Variants in KLF8 observed in about 807,000 individuals in gnomAD.
KLF8 encodes Krueppel-like factor 8.
KLF8 carries 10 observed loss-of-function variants against 18.2 expected under a neutral mutation model. That is an observed-to-expected ratio of 0.55 (90% CI 0.34 to 0.93). The LOEUF (loss-of-function observed/expected upper bound fraction) is 0.93. Ranked by LOEUF, KLF8 falls within the 40% of genes least tolerant of loss-of-function variation. The pLI is 0.02. For synonymous variants in KLF8, 109 were observed against 97.3 expected, an observed-to-expected ratio of 1.12 and a Z score of -0.71; for missense variants, 264 against 277.9, an observed-to-expected ratio of 0.95 and a Z score of 0.36.
chrX:56,084,174 A>G, the KLF8 span, among the ~76,000 whole-genome samples: 10 of 111,365 alleles, frequency 9.0e-5, no homozygotes, highest in African/African-American at 2.9e-4. Flanking sequence ...TGAGCCTAGG[A>G]GTTTGAGTCA....
intron 3 of KLF8, 160 bp from the exon 4 acceptor site, chrX:56,269,218 T>C: frequency 9.5e-7 from 1 of 1,048,743 alleles, no homozygotes; most frequent in South Asian, 2.9e-5. Context: ...AATGTTATTC[T>C]CTTCCTTCCA....
chrX:55,964,160 C>G, the KLF8 span, among the ~76,000 whole-genome samples: 1 of 111,434 alleles, frequency 9.0e-6, no homozygotes, highest in Non-Finnish European at 1.9e-5. Context: ...ACACCCACAT[C>G]GAGAACTTAG....
At chrX:56,129,611 G>C in the KLF8 span, among the ~76,000 whole-genome samples, 1 of 111,604 alleles carries the variant, frequency 9.0e-6, no homozygotes, top group African/African-American at 3.3e-5. Context: ...AAGACCAAAG[G>C]GAAAAGGAAA....
At chrX:55,915,085 G>A in the KLF8 span, among the ~76,000 whole-genome samples, 1 of 110,673 alleles carries the variant, frequency 9.0e-6, no homozygotes, top group Non-Finnish European at 1.9e-5. Flanking sequence ...GGATGAGACT[G>A]GTACTTTGTG....
chrX:56,112,012 A>C, the KLF8 span, among the ~76,000 whole-genome samples: 2 of 111,878 alleles, frequency 1.8e-5, no homozygotes, highest in Non-Finnish European at 3.8e-5. Context: ...AAATCATTCT[A>C]CTATAAAGAC....
chrX:56,215,423 G>A, the KLF8 span, among the ~76,000 whole-genome samples: 1 of 111,204 alleles, frequency 9.0e-6, no homozygotes, highest in Non-Finnish European at 1.9e-5. Context: ...GCTCAGAAAA[G>A]TGTGTTTATA....
At chrX:56,065,135 A>G in the KLF8 span, among the ~76,000 whole-genome samples, 3 of 111,912 alleles carry the variant, frequency 2.7e-5, no homozygotes, top group Non-Finnish European at 5.6e-5. Flanking sequence ...ACATTTTGCT[A>G]GGCTTAGGAA....
the KLF8 span, among the ~76,000 whole-genome samples, chrX:56,212,884 C>G: frequency 8.9e-6 from 1 of 111,791 alleles, no homozygotes; most frequent in Non-Finnish European, 1.9e-5. Flanking sequence ...CTTGCTCCAC[C>G]TCTCAGCATG....
At chrX:56,080,014 C>T in the KLF8 span, among the ~76,000 whole-genome samples, 3 of 111,060 alleles carry the variant, frequency 2.7e-5, no homozygotes, top group South Asian at 3.9e-4. Flanking sequence ...GATCTTCCTC[C>T]ATCCTTCTAT....
At chrX:56,068,007 G>T in the KLF8 span, among the ~76,000 whole-genome samples, 111 of 112,075 alleles carry the variant, frequency 9.9e-4, no homozygotes, top group African/African-American at 3.5e-3. Context: ...CCTTGCCAAT[G>T]GTAGCCAAAG....
At chrX:55,938,365 C>G in the KLF8 span, among the ~76,000 whole-genome samples, 1 of 111,478 alleles carries the variant, frequency 9.0e-6, no homozygotes, top group African/African-American at 3.3e-5. Context: ...AAAAGAGCTC[C>G]TGAAGGAAGC....
the KLF8 span, among the ~76,000 whole-genome samples, chrX:55,983,804 G>T: frequency 9.1e-6 from 1 of 110,108 alleles, no homozygotes; most frequent in Non-Finnish European, 1.9e-5. Context: ...TGGCTTCATT[G>T]TCTATTATAC....
At chrX:56,201,616 A>G in the KLF8 span, among the ~76,000 whole-genome samples, 1 of 111,754 alleles carries the variant, frequency 8.9e-6, no homozygotes, top group African/African-American at 3.2e-5. Context: ...ATCTCACAAG[A>G]AAGAATTATT....
the KLF8 span, among the ~76,000 whole-genome samples, chrX:56,197,106 G>A: frequency 9.0e-6 from 1 of 111,459 alleles, no homozygotes; most frequent in Non-Finnish European, 1.9e-5. Context: ...TGTGTAGAGG[G>A]AAATTTATAG....
chrX:56,211,591 C>A, the KLF8 span, among the ~76,000 whole-genome samples: 15 of 112,133 alleles, frequency 1.3e-4, no homozygotes, highest in African/African-American at 4.9e-4. Context: ...GCAAAGCCAG[C>A]CAGGCCTGTG....
chrX:56,185,682 G>C, the KLF8 span, among the ~76,000 whole-genome samples: 1 of 112,181 alleles, frequency 8.9e-6, no homozygotes, highest in African/African-American at 3.2e-5. Context: ...TCTCTCGGCA[G>C]AAACTCTACA....
intron 1 of KLF8, among the ~76,000 whole-genome samples, chrX:56,244,976 T>C (rs1472166662): frequency 8.9e-6 from 1 of 111,856 alleles, no homozygotes; most frequent in Non-Finnish European, 1.9e-5. Context: ...TAGAAAATGG[T>C]TGGGGAGCAC....
intron 2 of KLF8, among the ~76,000 whole-genome samples, chrX:56,260,691 G>T (rs1265271337): frequency 9.0e-6 from 1 of 111,726 alleles, no homozygotes; most frequent in Non-Finnish European, 1.9e-5. Context: ...ATTGGAAAAA[G>T]AATTGAGTTT....
the KLF8 span, among the ~76,000 whole-genome samples, chrX:56,034,541 GTT>G: frequency 9.1e-6 from 1 of 110,478 alleles, no homozygotes; most frequent in African/African-American, 3.3e-5. Flanking sequence ...GATTGACACA[GTT>G]ATATATATGT....
Sources: allele counts gnomAD v4.1 joint callset (sites outside exome capture counted in the v4.1 genomes callset), GRCh38; gene constraint gnomAD v4.1.1; transcripts MANE v1.5; gene names NCBI Gene and HGNC (gene_info 2026-07-23, HGNC 2026-07-21).